Variants in IARS1 observed in about 807,000 individuals in gnomAD.
IARS1 encodes the protein isoleucine--tRNA ligase, cytoplasmic.
A neutral mutation model predicts 168.2 loss-of-function variants in IARS1; 124 were observed. The ratio of observed to expected loss-of-function variants is 0.74; its 90% CI spans 0.64 to 0.86. The LOEUF (loss-of-function observed/expected upper bound fraction) is 0.86. Among genes scored for constraint, IARS1 ranks in the 40% least tolerant of loss-of-function variants. The pLI, the probability that IARS1 is intolerant of heterozygous loss-of-function variation, is 0.00. For missense variants in IARS1, 1,452 were observed against 1,515.8 expected (o/e 0.96, Z 0.70); for synonymous variants, 532 against 529.4 (o/e 1.00, Z -0.07).
intron 2 of IARS1, 57 bp from the exon 3 acceptor site, chr9:92,288,339 T>A (rs1352792013): frequency 6.1e-6 from 9 of 1,465,036 alleles, no homozygotes; most frequent in Non-Finnish European, 8.6e-6. Flanking sequence ...TTTAAGGCAT[T>A]TTTCTATAGA....
chr9:92,272,104 CAAG>C (rs1833126985), intron 10 of IARS1, among the ~76,000 whole-genome samples: 1 of 152,176 alleles, frequency 6.6e-6, no homozygotes. Context: ...GTCGAGGTAC[CAAG>C]AAGTAACTCA....
chr9:92,261,084 G>A (rs1432815067), intron 17 of IARS1, among the ~76,000 whole-genome samples: 1 of 152,164 alleles, frequency 6.6e-6, no homozygotes, highest in East Asian at 1.9e-4. Context: ...CGAGGCAGGT[G>A]GATCGCCTGA....
At chr9:92,272,688 A>G (rs1267612083) in intron 10 of IARS1, among the ~76,000 whole-genome samples, 1 of 152,108 alleles carries the variant, frequency 6.6e-6, no homozygotes, top group Non-Finnish European at 1.5e-5. Context: ...TGTCTCTACT[A>G]AATTTACAAA....
chr9:92,242,532 G>A, intron 28 of IARS1: 1 of 552,970 alleles, frequency 1.8e-6, no homozygotes, highest in South Asian at 2.5e-5. Flanking sequence ...CCACTCTTTG[G>A]GGGATAGGGC....
At chr9:92,254,986 G>C (rs1830520099) in intron 20 of IARS1, among the ~76,000 whole-genome samples, 1 of 152,192 alleles carries the variant, frequency 6.6e-6, no homozygotes, top group Non-Finnish European at 1.5e-5. Flanking sequence ...ATTGAAGGGG[G>C]TCCGGGCAAC....
intron 33 of IARS1, among the ~76,000 whole-genome samples, chr9:92,217,159 G>A (rs1417723803): frequency 2.0e-5 from 3 of 151,816 alleles, no homozygotes; most frequent in Non-Finnish European, 4.4e-5. Flanking sequence ...TGAACAACCT[G>A]CTCCTGAATG....
At chr9:92,226,768 T>C (rs1295222671) in intron 31 of IARS1, among the ~76,000 whole-genome samples, 6 of 152,210 alleles carry the variant, frequency 3.9e-5, no homozygotes, top group Non-Finnish European at 7.4e-5. Context: ...CCACATGGCA[T>C]TTTCTCCGTG....
chr9:92,290,968 C>T (rs998396532), intron 1 of IARS1, among the ~76,000 whole-genome samples: 1 of 151,984 alleles, frequency 6.6e-6, no homozygotes, highest in African/African-American at 2.4e-5. Context: ...TCCAGTTTTC[C>T]ATTTTACCCT....
At chr9:92,274,365 G>T in intron 10 of IARS1, 61 bp downstream of exon 10, 2 of 1,252,518 alleles carry the variant, frequency 1.6e-6, no homozygotes, top group Non-Finnish European at 2.3e-6. Flanking sequence ...ACAGGACTCC[G>T]CATCTATGAA....
chr9:92,230,294 G>A (rs1350226521), intron 30 of IARS1, among the ~76,000 whole-genome samples: 1 of 152,012 alleles, frequency 6.6e-6, no homozygotes, highest in Non-Finnish European at 1.5e-5. Flanking sequence ...TATTTTTTCA[G>A]TAGAGACGGG....
intron 14 of IARS1, among the ~76,000 whole-genome samples, chr9:92,266,127 G>C (rs1248691942): frequency 6.6e-6 from 1 of 152,188 alleles, no homozygotes; most frequent in Non-Finnish European, 1.5e-5. Context: ...CCTACCTAGA[G>C]AGAATCTTAA....
At chr9:92,231,688 A>G (rs776950247) in intron 30 of IARS1, among the ~76,000 whole-genome samples, 12 of 151,834 alleles carry the variant, frequency 7.9e-5, no homozygotes, top group Non-Finnish European at 1.6e-4. Flanking sequence ...TCGGCCTCCA[A>G]AAGGGCTAGG....
At chr9:92,255,798 A>C (rs948350125) in intron 20 of IARS1, among the ~76,000 whole-genome samples, 28 of 136,136 alleles carry the variant, frequency 2.1e-4, no homozygotes, top group Non-Finnish European at 3.2e-4. Flanking sequence ...AGGCTGAATA[A>C]GAGTGGCATC....
chr9:92,277,042 T>G (rs1334633883), intron 9 of IARS1, among the ~76,000 whole-genome samples: 1 of 152,204 alleles, frequency 6.6e-6, no homozygotes, highest in Non-Finnish European at 1.5e-5. Context: ...ATTACTATCT[T>G]AACTTTGTCA....
intron 12 of IARS1, 54 bp from the exon 13 acceptor site, chr9:92,270,037 A>T (rs1481086321): frequency 1.0e-5 from 11 of 1,091,832 alleles, no homozygotes; most frequent in Non-Finnish European, 1.6e-5. Flanking sequence ...AGTAGGCACT[A>T]CGGTAAGACT....
intron 20 of IARS1, 45 bp downstream of exon 20, chr9:92,256,635 G>C (rs1399545449): frequency 6.5e-7 from 1 of 1,549,246 alleles, no homozygotes; most frequent in Non-Finnish European, 8.8e-7. Flanking sequence ...CAGTTACAAA[G>C]AGAATAGTCC....
In IARS1 at chr9:92,289,437, A is replaced by G; in HGVS notation, c.-7-11T>C. The stretch of plus-strand genomic sequence containing the variant: ...TGAAGCATTTTGTTGCTGCAAAAGA[A>G]ATCAAATTTATTACTGTCAAAAGAG... On this transcript the variant is annotated splice_polypyrimidine_tract_variant and intron_variant, in intron 1 of 33. Transcript: ENST00000443024. The G allele has an allele frequency of 8.9e-7, 1 of 1,118,808 alleles. No homozygotes were observed. The highest frequency in any genetic ancestry group is 1.4e-6 in the Non-Finnish European group (1 of 732,138). The allele number at this position is 1,118,808 out of a possible 1,614,324, so 69.3% of individuals were successfully genotyped here.
intron 1 of IARS1, among the ~76,000 whole-genome samples, chr9:92,291,506 A>G (rs1455304061): frequency 6.6e-6 from 1 of 152,240 alleles, no homozygotes; most frequent in Non-Finnish European, 1.5e-5. Flanking sequence ...AAGAAAAAAC[A>G]GGACAAGAAC....
chr9:92,223,465 A>T lies in IARS1; in HGVS notation c.3434T>A (p.Leu1145Gln). Residue 1145 changes from leucine to glutamine, a missense_variant, in exon 32 of 34, where the codon CTG (leucine) becomes CAG (glutamine). By Grantham distance (113) the Leu-to-Gln change is moderately radical (BLOSUM62 -2). Coordinates refer to ENST00000443024, the MANE Select transcript of IARS1 (RefSeq NM_002161.6). ...ACAAAGTGTTTTTCCACTAAGACTC[A>T]GTAAGTCAGTTTGGTTTTGTATTTC... ...ETEIQNQTDL[L>Q]SLSGKTLCVT... 1 of 1,613,170 alleles carries T rather than the reference A, an allele frequency of 6.2e-7. No individual in the cohort carries two copies. The highest frequency in any genetic ancestry group is 8.5e-7 in the Non-Finnish European group (1 of 1,179,618).
Sources: allele counts gnomAD v4.1 joint callset (sites outside exome capture counted in the v4.1 genomes callset), GRCh38; gene constraint gnomAD v4.1.1; transcripts MANE v1.5; gene names NCBI Gene and HGNC (gene_info 2026-07-23, HGNC 2026-07-21).